PDE10A: variants seen among roughly 807,000 people sequenced by gnomAD.
The protein encoded by PDE10A is phosphodiesterase 10A, also known as cAMP and cAMP-inhibited cGMP 3',5'-cyclic phosphodiesterase 10A.
Under a neutral mutation model 97.7 loss-of-function variants are expected in PDE10A, and 39 were observed. The observed-to-expected ratio is 0.40, with a 90% CI of 0.31 to 0.52. The LOEUF (loss-of-function observed/expected upper bound fraction) is 0.52. PDE10A is among the 20% of genes least tolerant of loss of function. PDE10A has a pLI of 0.56. For synonymous variants in PDE10A, 371 were observed against 376.8 expected, an observed-to-expected ratio of 0.98 and a Z score of 0.18; for missense variants, 731 against 1,047.8, an observed-to-expected ratio of 0.70 and a Z score of 4.17.
At chr6:165,547,704 T>C (rs975847026) in intron 1 of PDE10A, among the ~76,000 whole-genome samples, 9 of 152,176 alleles carry the variant, frequency 5.9e-5, no homozygotes, top group African/African-American at 2.2e-4. Flanking sequence ...CATTTTGATA[T>C]TGAGCCATAG....
intron 1 of PDE10A, among the ~76,000 whole-genome samples, chr6:165,815,049 C>T (rs952779948): frequency 4.6e-5 from 7 of 152,164 alleles, no homozygotes; most frequent in African/African-American, 9.6e-5. Flanking sequence ...ATTTTAATTC[C>T]GGTTGCCTTT....
rs188064542 is a variant in PDE10A, at chr6:165,574,162, G to A, written c.866-30594C>T. Among the ~76,000 whole-genome samples, 4 of 152,156 alleles carry A rather than the reference G, an allele frequency of 2.6e-5. No homozygotes were observed. In the East Asian group the frequency reaches 5.8e-4, roughly 22 times the overall value. On this transcript the variant is annotated intron_variant, in intron 1 of 21. Coordinates refer to ENST00000539869, the MANE Select transcript of PDE10A (RefSeq NM_001385079.1). ...CTTAAGAGAAAGTGAGTCTTTTAAA[G>A]GGGTGTTCTAGCTGTATATGAGAAC...
At chr6:165,510,506 T>A (rs1005402135) in intron 2 of PDE10A, among the ~76,000 whole-genome samples, 1 of 152,056 alleles carries the variant, frequency 6.6e-6, no homozygotes, top group African/African-American at 2.4e-5. Flanking sequence ...TGTTTTGCTG[T>A]GTCCTTGTCT....
chr6:165,684,147 T>A (rs1211018972), intron 1 of PDE10A, among the ~76,000 whole-genome samples: 1 of 152,198 alleles, frequency 6.6e-6, no homozygotes, highest in Admixed American at 6.5e-5. Flanking sequence ...CTCCCCTGCC[T>A]CCTTCTTGTC....
intron 1 of PDE10A, among the ~76,000 whole-genome samples, chr6:165,954,310 GAC>G (rs754095759): frequency 1.3e-5 from 2 of 152,178 alleles, no homozygotes; most frequent in Admixed American, 6.5e-5. Context: ...CCACTCTTGT[GAC>G]GTACTGATAT....
intron 1 of PDE10A, chr6:165,894,608 A>G (rs1781893973): frequency 2.2e-6 from 1 of 445,198 alleles, no homozygotes; most frequent in Non-Finnish European, 4.5e-6. Flanking sequence ...ACATATCCCG[A>G]GGAAGAGCAC....
At chr6:165,539,797 C>CT (rs763487898) in intron 2 of PDE10A, among the ~76,000 whole-genome samples, 10 of 151,590 alleles carry the variant, frequency 6.6e-5, no homozygotes, top group Non-Finnish European at 1.3e-4. Context: ...CGTGGTGGTG[C>CT]GCACCTGTAA....
At chr6:165,565,838 C>A (rs657360) in intron 1 of PDE10A, among the ~76,000 whole-genome samples, 146,797 of 152,222 alleles carry the variant, frequency 0.96, 71,028 homozygotes, top group East Asian at 1. Flanking sequence ...AGAAAAAATA[C>A]TCTTTTCAAC....
intron 1 of PDE10A, among the ~76,000 whole-genome samples, chr6:165,957,221 CTATAATTCCAGCACT>C (rs1784160207): frequency 1.3e-5 from 2 of 152,176 alleles, no homozygotes; most frequent in African/African-American, 4.8e-5. Context: ...GGGCTCGTGA[CTATAATTCCAGCACT>C]TTGGAAGGCC....
intron 3 of PDE10A, among the ~76,000 whole-genome samples, chr6:165,459,008 C>T (rs1010169370): frequency 3.5e-4 from 3 of 8,614 alleles, no homozygotes; most frequent in Non-Finnish European, 7.3e-4. Flanking sequence ...ACAACAGTTC[C>T]CTCAGCCCGT....
chr6:165,829,769 T>G (rs1189261313), intron 1 of PDE10A, among the ~76,000 whole-genome samples: 2 of 152,188 alleles, frequency 1.3e-5, no homozygotes, highest in Non-Finnish European at 2.9e-5. Context: ...CCTGCTGGTA[T>G]CTGGCATGGA....
At chr6:165,417,647 A>C (rs1303138434) in intron 11 of PDE10A, among the ~76,000 whole-genome samples, 1 of 152,124 alleles carries the variant, frequency 6.6e-6, no homozygotes, top group Non-Finnish European at 1.5e-5. Context: ...AAAAAAACCA[A>C]CAACAAACAG....
intron 3 of PDE10A, among the ~76,000 whole-genome samples, chr6:165,451,349 C>T (rs1405094311): frequency 6.6e-6 from 1 of 152,194 alleles, no homozygotes; most frequent in Non-Finnish European, 1.5e-5. Flanking sequence ...AACTAATCTC[C>T]CTGCTCCCAA....
At chr6:165,806,504 A>G (rs1013162322) in intron 1 of PDE10A, among the ~76,000 whole-genome samples, 2 of 152,072 alleles carry the variant, frequency 1.3e-5, no homozygotes, top group Non-Finnish European at 2.9e-5. Context: ...CCCTGTCTCC[A>G]CAGTTTCTGA....
intron 1 of PDE10A, among the ~76,000 whole-genome samples, chr6:165,599,482 C>G (rs1786806311): frequency 6.6e-6 from 1 of 152,146 alleles, no homozygotes; most frequent in Non-Finnish European, 1.5e-5. Context: ...CTTCTGACTT[C>G]TTGGAGTAAT....
intron 3 of PDE10A, among the ~76,000 whole-genome samples, chr6:165,463,964 G>A (rs1488202017): frequency 6.6e-6 from 1 of 152,202 alleles, no homozygotes; most frequent in Non-Finnish European, 1.5e-5. Context: ...TTTCCCATAA[G>A]GGATACTTTT....
chr6:165,879,353 T>C (rs1781418759), intron 1 of PDE10A, among the ~76,000 whole-genome samples: 1 of 152,194 alleles, frequency 6.6e-6, no homozygotes, highest in Non-Finnish European at 1.5e-5. Flanking sequence ...TTGAGCAATT[T>C]TGGGGGACCA....
At chr6:165,557,260 T>G (rs1321254791) in intron 1 of PDE10A, among the ~76,000 whole-genome samples, 1 of 152,118 alleles carries the variant, frequency 6.6e-6, no homozygotes, top group Non-Finnish European at 1.5e-5. Flanking sequence ...GTAGTATAAT[T>G]TAATCTGGTG....
chr6:165,640,259 A>T (rs1047144991), intron 1 of PDE10A, among the ~76,000 whole-genome samples: 4 of 152,262 alleles, frequency 2.6e-5, no homozygotes, highest in East Asian at 1.9e-4. Flanking sequence ...AAAATTTTTT[A>T]AAAATTGCCT....
Sources: allele counts gnomAD v4.1 joint callset (sites outside exome capture counted in the v4.1 genomes callset), GRCh38; gene constraint gnomAD v4.1.1; transcripts MANE v1.5; gene names NCBI Gene and HGNC (gene_info 2026-07-23, HGNC 2026-07-21).